Variants in NALCN observed in about 807,000 individuals in gnomAD.
NALCN encodes the protein sodium leak channel NALCN.
NALCN carries 111 observed loss-of-function variants against 225.3 expected under a neutral mutation model. The ratio of observed to expected loss-of-function variants is 0.49; its 90% CI spans 0.42 to 0.58. The LOEUF is 0.58. NALCN is among the 20% of genes least tolerant of loss of function. The probability of loss-of-function intolerance (pLI) is 0.00; values close to 1 mark genes in which losing one functional copy is unlikely to be tolerated. For synonymous variants in NALCN, 764 were observed against 769.0 expected (o/e 0.99, Z 0.11); for missense variants, 1,378 against 2,202.4 (o/e 0.63, Z 7.49).
intron 14 of NALCN, among the ~76,000 whole-genome samples, chr13:101,177,865 T>A (rs1482719719): frequency 6.6e-6 from 1 of 152,232 alleles, no homozygotes; most frequent in Non-Finnish European, 1.5e-5. Flanking sequence ...CTAGCTCTTT[T>A]TCAATTTTAA....
At chr13:101,194,064 T>C (rs531894728) in intron 13 of NALCN, among the ~76,000 whole-genome samples, 25 of 150,790 alleles carry the variant, frequency 1.7e-4, no homozygotes, top group Non-Finnish European at 2.8e-4. Context: ...ACTAAAAATG[T>C]AAGTGCACCT....
chr13:101,211,182 T>C (rs1423045321), intron 13 of NALCN, among the ~76,000 whole-genome samples: 3 of 152,210 alleles, frequency 2.0e-5, no homozygotes, highest in African/African-American at 7.2e-5. Context: ...TGACTTTCAT[T>C]TATTTTTAAA....
chr13:101,226,204 G>A (rs1271981770), intron 13 of NALCN, among the ~76,000 whole-genome samples: 1 of 151,844 alleles, frequency 6.6e-6, no homozygotes, highest in African/African-American at 2.4e-5. Context: ...CCAACCCTAA[G>A]ATAAACCCCC....
chr13:101,371,536 A>G (rs895180798), intron 6 of NALCN, among the ~76,000 whole-genome samples: 4 of 152,130 alleles, frequency 2.6e-5, no homozygotes, highest in Non-Finnish European at 5.9e-5. Context: ...TGTGTTTTGA[A>G]GGAGTTGTAA....
At chr13:101,406,168 TA>T (rs1380628067) in intron 1 of NALCN, among the ~76,000 whole-genome samples, 3 of 110,430 alleles carry the variant, frequency 2.7e-5, no homozygotes, top group Non-Finnish European at 3.8e-5. Flanking sequence ...AAAAAAAAAA[TA>T]CAAAAAATTA....
intron 9 of NALCN, among the ~76,000 whole-genome samples, chr13:101,285,059 T>C (rs1006248091): frequency 1.0e-4 from 15 of 149,388 alleles, no homozygotes; most frequent in Admixed American, 6.0e-4. Flanking sequence ...AATGTTTCCT[T>C]TGTCACCCTT....
At chr13:101,077,798 A>G (rs959468781) in intron 34 of NALCN, among the ~76,000 whole-genome samples, 1 of 152,232 alleles carries the variant, frequency 6.6e-6, no homozygotes, top group Admixed American at 6.5e-5. Context: ...CACCAGGACA[A>G]TGGGGAAAAT....
intron 7 of NALCN, among the ~76,000 whole-genome samples, chr13:101,302,272 T>G (rs978275317): frequency 3.9e-5 from 6 of 152,196 alleles, no homozygotes; most frequent in African/African-American, 1.4e-4. Flanking sequence ...AAGGTAGACC[T>G]GGTCAGTCTA....
chr13:101,350,697 T>C (rs2045883409), intron 6 of NALCN, among the ~76,000 whole-genome samples: 1 of 152,216 alleles, frequency 6.6e-6, no homozygotes, highest in South Asian at 2.1e-4. Flanking sequence ...GATGTTGCTG[T>C]GAAGGTATTT....
At chr13:101,143,041 C>A in intron 17 of NALCN, 39 bp downstream of exon 17, 1 of 1,613,554 alleles carries the variant, frequency 6.2e-7, no homozygotes, top group Non-Finnish European at 8.5e-7. Context: ...AACATAGATG[C>A]TTTTTAGAAG....
At chr13:101,175,333 C>A (rs2038916690) in intron 15 of NALCN, among the ~76,000 whole-genome samples, 1 of 151,360 alleles carries the variant, frequency 6.6e-6, no homozygotes, top group African/African-American at 2.4e-5. Flanking sequence ...AATGAAATGC[C>A]TAACCTGATC....
rs200893273 is a variant in NALCN, at chr13:101,124,693, A to G, written c.2119-12T>C. ...ACAGACTTGCGAAGCTGAAAATGAT[A>G]AGAGTATGACTTTTAGTTTTGGAAT... On this transcript the variant is annotated splice_polypyrimidine_tract_variant and intron_variant, in intron 17 of 43. Coordinates refer to ENST00000251127, the MANE Select transcript of NALCN (RefSeq NM_052867.4). The G allele has an allele frequency of 6.2e-7, 1 of 1,612,186 alleles. No individual in the cohort carries two copies. The highest frequency in any genetic ancestry group is 8.5e-7 in the Non-Finnish European group (1 of 1,178,586).
intron 9 of NALCN, among the ~76,000 whole-genome samples, chr13:101,286,864 TACACACACAC>T (rs71121180): frequency 4.1e-5 from 6 of 147,050 alleles, no homozygotes; most frequent in South Asian, 2.2e-4. Flanking sequence ...CCAGGTATTA[TACACACACAC>T]ACACACACAC....
chr13:101,083,309 A>G, intron 31 of NALCN, 111 bp from the exon 32 acceptor site: 1 of 901,758 alleles, frequency 1.1e-6, no homozygotes, highest in South Asian at 1.7e-5. Flanking sequence ...TTTCTCCCCA[A>G]ACAGTTCCGT....
intron 26 of NALCN, among the ~76,000 whole-genome samples, chr13:101,102,100 T>C (rs753057098): frequency 7.2e-5 from 11 of 152,102 alleles, no homozygotes; most frequent in Non-Finnish European, 1.5e-4. Context: ...ATGGGTAACA[T>C]GGTGCAGCCC....
intron 7 of NALCN, among the ~76,000 whole-genome samples, chr13:101,321,196 C>G (rs981981357): frequency 5.3e-5 from 8 of 151,936 alleles, no homozygotes; most frequent in Non-Finnish European, 7.4e-5. Flanking sequence ...CTCTAAAATC[C>G]TATAACCTTA....
chr13:101,241,518 C>T (rs2041758510), intron 11 of NALCN, among the ~76,000 whole-genome samples: 1 of 152,122 alleles, frequency 6.6e-6, no homozygotes, highest in South Asian at 2.1e-4. Context: ...TCTTAGCTCA[C>T]TGGGACCTCT....
intron 15 of NALCN, among the ~76,000 whole-genome samples, chr13:101,154,468 C>T (rs577698738): frequency 4.8e-4 from 73 of 152,338 alleles, no homozygotes; most frequent in African/African-American, 1.7e-3. Flanking sequence ...GGACCTGCCT[C>T]TAAACCAAAT....
chr13:101,223,864 C>T lies in NALCN; in HGVS notation c.1626+5529G>A, dbSNP rs538147877. Among the ~76,000 whole-genome samples, 15 of 152,228 alleles carry T rather than the reference C, an allele frequency of 9.9e-5. No homozygotes were observed. In the South Asian group the frequency reaches 1.2e-3, roughly 13 times the overall value. On this transcript the variant is annotated intron_variant, in intron 13 of 43. Coordinates refer to ENST00000251127, the MANE Select transcript of NALCN (RefSeq NM_052867.4). ...CTCTCATTTCCCCTCTTGTACATAC[C>T]ATCTGCCATTTCATTTGGGAATATG...
Sources: allele counts gnomAD v4.1 joint callset (sites outside exome capture counted in the v4.1 genomes callset), GRCh38; gene constraint gnomAD v4.1.1; transcripts MANE v1.5; gene names NCBI Gene and HGNC (gene_info 2026-07-23, HGNC 2026-07-21).